Variants in DMD observed in about 807,000 individuals in gnomAD.
The protein encoded by DMD is mutant dystrophin.
A neutral mutation model predicts 330.1 loss-of-function variants in DMD; 63 were observed. The ratio of observed to expected loss-of-function variants is 0.19; its 90% CI spans 0.16 to 0.24. The LOEUF is 0.24. Ranked by LOEUF, DMD falls within the 10% of genes least tolerant of loss-of-function variation. The pLI, the probability that DMD is intolerant of heterozygous loss-of-function variation, is 1.00. For missense variants in DMD, 3,344 were observed against 2,684.1 expected, an observed-to-expected ratio of 1.25 and a Z score of -5.43; for synonymous variants, 1,223 against 959.8, an observed-to-expected ratio of 1.27 and a Z score of -5.07.
chrX:32,290,275 T>C (rs1019018836), intron 42 of DMD, among the ~76,000 whole-genome samples: 1 of 112,301 alleles, frequency 8.9e-6, no homozygotes, highest in African/African-American at 3.2e-5. Context: ...CACTCTTTAT[T>C]CCTGGCATTA....
chrX:32,166,759 C>A (rs745824978), intron 44 of DMD, among the ~76,000 whole-genome samples: 3 of 111,160 alleles, frequency 2.7e-5, no homozygotes, highest in African/African-American at 9.8e-5. Flanking sequence ...TGCAGATTGG[C>A]TTAATAGGAA....
At chrX:31,877,388 G>A (rs2149688749) in intron 47 of DMD, among the ~76,000 whole-genome samples, 1 of 111,062 alleles carries the variant, frequency 9.0e-6, no homozygotes, top group Non-Finnish European at 1.9e-5. Context: ...CTCATCGCAG[G>A]AGCTGTCAGT....
chrX:31,969,149 T>C (rs2095377163), intron 44 of DMD, among the ~76,000 whole-genome samples: 1 of 111,619 alleles, frequency 9.0e-6, no homozygotes, highest in Admixed American at 9.6e-5. Flanking sequence ...TTTAAAATAA[T>C]CTATAGTCAC....
At chrX:32,162,327 C>T (rs1388175407) in intron 44 of DMD, among the ~76,000 whole-genome samples, 3 of 111,015 alleles carry the variant, frequency 2.7e-5, no homozygotes, top group South Asian at 3.9e-4. Flanking sequence ...AGTAACATCC[C>T]TCAGCCTCTC....
In DMD at chrX:32,738,742, G is replaced by A. The variant is rs190309903; in HGVS notation, c.650-39449C>T. Among the ~76,000 whole-genome samples, 8 of 111,668 alleles carry A rather than the reference G, an allele frequency of 7.2e-5. No individual in the cohort carries two copies. The East Asian group carries it at 1.7e-3, about 24-fold the overall frequency. ...ACATCCATAATAACACAAGGAAAGAGTTAGCAGAGCAGATAAGGTATACGA... is the reference window on the plus strand; with the variant it reads ...ACATCCATAATAACACAAGGAAAGAATTAGCAGAGCAGATAAGGTATACGA... On this transcript the variant is annotated intron_variant, in intron 7 of 78. Transcript: ENST00000357033.
chrX:31,263,912 C>T (rs180993691), intron 62 of DMD, among the ~76,000 whole-genome samples: 2 of 111,997 alleles, frequency 1.8e-5, no homozygotes, highest in East Asian at 5.6e-4. Flanking sequence ...GCCAAAAAAC[C>T]TTCAGATTCT....
At chrX:31,913,844 C>T (rs965803872) in intron 47 of DMD, among the ~76,000 whole-genome samples, 3 of 112,198 alleles carry the variant, frequency 2.7e-5, no homozygotes, top group Non-Finnish European at 3.8e-5. Context: ...AAGAATTTTT[C>T]GATAGGTGTA....
At chrX:32,001,352 G>C (rs1426270411) in intron 44 of DMD, among the ~76,000 whole-genome samples, 1 of 110,913 alleles carries the variant, frequency 9.0e-6, no homozygotes, top group Non-Finnish European at 1.9e-5. Context: ...TTGACTTTTA[G>C]AGTGACTAAA....
chrX:32,008,350 C>T (rs1023101971), intron 44 of DMD, among the ~76,000 whole-genome samples: 1 of 111,876 alleles, frequency 8.9e-6, no homozygotes, highest in Non-Finnish European at 1.9e-5. Context: ...TTACTGAGTA[C>T]CGATTTTGTG....
At chrX:31,523,800 A>G (rs2073048577) in intron 55 of DMD, among the ~76,000 whole-genome samples, 1 of 112,177 alleles carries the variant, frequency 8.9e-6, no homozygotes, top group African/African-American at 3.2e-5. Flanking sequence ...GATCAAAGGA[A>G]AAGATAATTA....
At chrX:31,982,958 A>T (rs1214701350) in intron 44 of DMD, among the ~76,000 whole-genome samples, 1 of 107,574 alleles carries the variant, frequency 9.3e-6, no homozygotes, top group East Asian at 3.0e-4. Context: ...ATATAATTTC[A>T]GAGCTTTTGT....
chrX:32,260,494 G>T (rs2097317371), intron 43 of DMD, among the ~76,000 whole-genome samples: 2 of 111,361 alleles, frequency 1.8e-5, no homozygotes, highest in Non-Finnish European at 3.8e-5. Flanking sequence ...ATCTTAGGGG[G>T]ACCTATAATC....
At chrX:32,732,796 C>T (rs1470263200) in intron 7 of DMD, among the ~76,000 whole-genome samples, 159 of 110,096 alleles carry the variant, frequency 1.4e-3, no homozygotes, top group African/African-American at 4.6e-3. Context: ...CGGTACCAGC[C>T]GCTGCAAAAT....
At chrX:32,508,773 G>A (rs2044914582) in intron 18 of DMD, among the ~76,000 whole-genome samples, 1 of 111,705 alleles carries the variant, frequency 9.0e-6, no homozygotes, top group Non-Finnish European at 1.9e-5. Context: ...TCTACTTAAA[G>A]GTAACTTCAA....
At chrX:33,134,251 G>C (rs2095514009) in intron 1 of DMD, among the ~76,000 whole-genome samples, 1 of 111,369 alleles carries the variant, frequency 9.0e-6, no homozygotes, top group South Asian at 3.7e-4. Flanking sequence ...GGAATCTTGA[G>C]GGACACCTTT....
intron 44 of DMD, among the ~76,000 whole-genome samples, chrX:32,063,532 C>T (rs756883103): frequency 2.4e-3 from 265 of 110,999 alleles, no homozygotes; most frequent in Non-Finnish European, 4.3e-3. Flanking sequence ...TCATTTATTT[C>T]CACACTCCAA....
At chrX:32,683,916 G>C (rs2062635926) in intron 9 of DMD, among the ~76,000 whole-genome samples, 1 of 108,918 alleles carries the variant, frequency 9.2e-6, no homozygotes, top group African/African-American at 3.3e-5. Context: ...AATTAAGACG[G>C]TAAAAATAGT....
At chrX:31,997,813 C>T (rs1029910822) in intron 44 of DMD, among the ~76,000 whole-genome samples, 1 of 111,444 alleles carries the variant, frequency 9.0e-6, no homozygotes, top group Non-Finnish European at 1.9e-5. Context: ...ATTCTTCCTG[C>T]TTTTAATAAT....
chrX:31,839,829 G>T (rs192234664), intron 48 of DMD, among the ~76,000 whole-genome samples: 30 of 111,738 alleles, frequency 2.7e-4, no homozygotes, highest in Non-Finnish European at 5.5e-4. Flanking sequence ...CTGAATGTGG[G>T]ACCTCTAATC....
Sources: allele counts gnomAD v4.1 joint callset (sites outside exome capture counted in the v4.1 genomes callset), GRCh38; gene constraint gnomAD v4.1.1; transcripts MANE v1.5; gene names NCBI Gene and HGNC (gene_info 2026-07-23, HGNC 2026-07-21).